PCSK5: variants seen among roughly 807,000 people sequenced by gnomAD.
PCSK5 encodes prohormone convertase 5.
Under a neutral mutation model 233.2 loss-of-function variants are expected in PCSK5, and 129 were observed. That is an observed-to-expected ratio of 0.55 (90% CI 0.48 to 0.64). PCSK5 has a LOEUF of 0.64. Ranked by LOEUF, PCSK5 falls within the 30% of genes least tolerant of loss-of-function variation. PCSK5 has a pLI of 0.00. For missense variants in PCSK5, 2,076 were observed against 2,430.1 expected, an observed-to-expected ratio of 0.85 and a Z score of 3.06; for synonymous variants, 825 against 879.2, an observed-to-expected ratio of 0.94 and a Z score of 1.09.
At chr9:76,138,923 TC>T (rs1389119727) in intron 10 of PCSK5, among the ~76,000 whole-genome samples, 1 of 151,668 alleles carries the variant, frequency 6.6e-6, no homozygotes, top group African/African-American at 2.4e-5. Flanking sequence ...TGCTGAAACC[TC>T]CCCCATCCCC....
intron 24 of PCSK5, among the ~76,000 whole-genome samples, chr9:76,291,922 G>A (rs981274838): frequency 6.6e-6 from 1 of 152,244 alleles, no homozygotes; most frequent in East Asian, 1.9e-4. Context: ...TCTCAGTAAA[G>A]GCCAGGGGGT....
At chr9:76,084,621 G>A (rs908413866) in intron 7 of PCSK5, among the ~76,000 whole-genome samples, 1 of 152,186 alleles carries the variant, frequency 6.6e-6, no homozygotes, top group African/African-American at 2.4e-5. Context: ...TATAGTATGG[G>A]TGTCCCTGTT....
At chr9:76,258,365 C>T (rs1827051211) in intron 24 of PCSK5, among the ~76,000 whole-genome samples, 1 of 152,098 alleles carries the variant, frequency 6.6e-6, no homozygotes. Context: ...TGACATTGAG[C>T]CTTTGGGTCA....
chr9:76,310,186 C>T (rs1478578780), intron 29 of PCSK5, among the ~76,000 whole-genome samples: 3 of 150,504 alleles, frequency 2.0e-5, no homozygotes, highest in Admixed American at 6.6e-5. Flanking sequence ...AGGCGGAGGT[C>T]GCAGTGAGCC....
At chr9:76,114,424 TG>T (rs1832346866) in intron 9 of PCSK5, among the ~76,000 whole-genome samples, 1 of 152,142 alleles carries the variant, frequency 6.6e-6, no homozygotes, top group South Asian at 2.1e-4. Flanking sequence ...GTTCAAATTA[TG>T]TAGAAGCCAA....
At chr9:76,194,856 A>C in intron 20 of PCSK5, 1 of 406,734 alleles carries the variant, frequency 2.5e-6, no homozygotes, top group Non-Finnish European at 5.1e-6. Context: ...TGCTTCTGAG[A>C]GCCTTACTTA....
intron 2 of PCSK5, among the ~76,000 whole-genome samples, chr9:75,963,653 G>T (rs188550079): frequency 7.9e-5 from 12 of 152,328 alleles, no homozygotes; most frequent in Non-Finnish European, 1.3e-4. Context: ...GGCCGAGGCG[G>T]GCGGATCACG....
chr9:76,174,917 A>G (rs1455172805), intron 13 of PCSK5, 69 bp from the exon 14 acceptor site: 2 of 1,409,356 alleles, frequency 1.4e-6, no homozygotes, highest in Non-Finnish European at 1.9e-6. Context: ...AGTGAGAAGG[A>G]CTTAAAGATG....
At position 76,359,212 on chromosome 9, in the gene PCSK5, C is replaced by T; in HGVS notation, c.*290C>T. On this transcript the variant is annotated 3_prime_UTR_variant, in exon 38 of 38. Transcript: ENST00000674117. The stretch of plus-strand genomic sequence containing the variant: ...GACACAAAAATGAAGGAAGTGAAAA[C>T]AAATGAGATTTGTACAAACTCTTCT... 2.7e-6 allele frequency: 1 copy of T among 374,052 alleles called. No homozygotes were observed. Among genetic ancestry groups the T allele is most frequent in the Admixed American group, 3.9e-5 (1 of 25,326 alleles). The allele number at this position is 374,052 out of a possible 1,614,324, so 23.2% of individuals were successfully genotyped here. A position where few individuals can be genotyped will look rare whatever the true frequency, so the allele number is the denominator to read the frequency against.
rs894920754 is a variant in PCSK5 at position 76,193,472 on chromosome 9, C to CTCTT, written c.2626+3728_2626+3731dup. 7 of 745,926 alleles carry CTCTT rather than the reference C, an allele frequency of 9.4e-6. No individual in the cohort carries two copies. In the Admixed American group the frequency reaches 2.4e-4, roughly 26 times the overall value. The allele number at this position is 745,926 out of a possible 1,614,324, so 46.2% of individuals were successfully genotyped here. A position where few individuals can be genotyped will look rare whatever the true frequency, so the allele number is the denominator to read the frequency against. ...CCACCTCTCTCTTTCTTTTCTTGCT[C>CTCTT]TCTTTTTCTTTCTCTCTCTCTCAAG... On this transcript the variant is annotated intron_variant, in intron 20 of 37. Coordinates refer to ENST00000674117, the MANE Select transcript of PCSK5 (RefSeq NM_001372043.1).
intron 22 of PCSK5, among the ~76,000 whole-genome samples, chr9:76,234,091 T>G (rs2131320235): frequency 6.6e-6 from 1 of 152,246 alleles, no homozygotes; most frequent in African/African-American, 2.4e-5. Context: ...GTCATTGGAT[T>G]CTATTTCATG....
chr9:76,009,339 T>G (rs34054952), intron 3 of PCSK5, among the ~76,000 whole-genome samples: 18,485 of 152,142 alleles, frequency 0.12, 1,305 homozygotes, highest in Middle Eastern at 0.21. Flanking sequence ...GGTTTTCTCT[T>G]CATGTTTGAT....
rs149987996 is a variant in PCSK5, at chr9:76,252,490, G to A, written c.3142+11806G>A. Among the ~76,000 whole-genome samples the A allele has an allele frequency of 4.5e-3, 682 of 152,240 alleles. 6 individuals are homozygous for A. Among genetic ancestry groups the A allele is most frequent in the African/African-American group, 0.016 (653 of 41,546 alleles). ...TCATCTAGAGCTGTCAGCCTTCAAGGCCTACATCTGGAAGGTTCTGAGATG... is the reference window on the plus strand; with the variant it reads ...TCATCTAGAGCTGTCAGCCTTCAAGACCTACATCTGGAAGGTTCTGAGATG... On this transcript the variant is annotated intron_variant, in intron 24 of 37. Transcript: ENST00000674117.
intron 2 of PCSK5, among the ~76,000 whole-genome samples, chr9:75,946,403 T>G (rs1824570331): frequency 6.6e-6 from 1 of 152,208 alleles, no homozygotes; most frequent in African/African-American, 2.4e-5. Context: ...TGGGCTTATT[T>G]CACTTGTAAA....
At chr9:76,009,314 G>A (rs1827620924) in intron 3 of PCSK5, among the ~76,000 whole-genome samples, 1 of 151,690 alleles carries the variant, frequency 6.6e-6, no homozygotes, top group South Asian at 2.1e-4. Context: ...TAAATGAATT[G>A]ATGTTCTACT....
intron 24 of PCSK5, among the ~76,000 whole-genome samples, chr9:76,274,674 A>T (rs753572659): frequency 6.6e-6 from 1 of 152,176 alleles, no homozygotes; most frequent in Non-Finnish European, 1.5e-5. Flanking sequence ...ATGACTATAA[A>T]CCTATGTGAT....
chr9:76,199,351 A>G (rs762594635), intron 20 of PCSK5, among the ~76,000 whole-genome samples: 3 of 152,234 alleles, frequency 2.0e-5, no homozygotes, highest in African/African-American at 7.2e-5. Context: ...TATATGGTAT[A>G]ATCTTATGGG....
intron 8 of PCSK5, among the ~76,000 whole-genome samples, chr9:76,103,220 C>A (rs1050083041): frequency 6.6e-6 from 1 of 152,192 alleles, no homozygotes; most frequent in Non-Finnish European, 1.5e-5. Flanking sequence ...CCTTCTCCCC[C>A]ATAGCTGTGT....
At position 76,265,280 on chromosome 9, in the gene PCSK5, C is replaced by T. The variant is rs866700450; in HGVS notation, c.3142+24596C>T. On this transcript the variant is annotated intron_variant, in intron 24 of 37. Transcript: ENST00000674117. ...AAGAGGAAAGGGAGGGAGGGGGAGG[C>T]GGGTTGAAAAACTAACTACTGGGTA... Among the ~76,000 whole-genome samples the T allele has an allele frequency of 3.6e-4, 55 of 151,706 alleles. 1 individual carries two copies. The highest frequency in any genetic ancestry group is 1.7e-3 in the Admixed American group (26 of 15,214).
Sources: gnomAD v4.1 joint callset for allele counts (sites outside exome capture counted in the v4.1 genomes callset) on GRCh38, gnomAD v4.1.1 for gene constraint, MANE v1.5 for transcripts, NCBI Gene and HGNC (gene_info 2026-07-23, HGNC 2026-07-21) for gene names.